CRACR2A: variants seen among roughly 807,000 people sequenced by gnomAD.
CRACR2A encodes calcium release activated channel regulator 2A.
CRACR2A carries 79 observed loss-of-function variants against 90.5 expected under a neutral mutation model. That is an observed-to-expected ratio of 0.87 (90% CI 0.73 to 1.05). The LOEUF (loss-of-function observed/expected upper bound fraction) is 1.05. Ranked by LOEUF, CRACR2A falls within the 50% of genes least tolerant of loss-of-function variation. CRACR2A has a pLI of 0.00. For missense variants in CRACR2A, 823 were observed against 897.2 expected (o/e 0.92, Z 1.06); for synonymous variants, 338 against 356.7 (o/e 0.95, Z 0.59).
chr12:3,741,712 C>A (rs1410379674), intron 1 of CRACR2A, among the ~76,000 whole-genome samples: 2 of 152,166 alleles, frequency 1.3e-5, no homozygotes, highest in Non-Finnish European at 2.9e-5. Flanking sequence ...CCTGTCTGCC[C>A]GCTTCCAGCT....
chr12:3,615,354 A>C lies in CRACR2A; in HGVS notation c.*1T>G. 6.4e-7 allele frequency: 1 copy of C among 1,551,544 alleles called. No homozygotes were observed. The highest frequency in any genetic ancestry group is 8.7e-7 in the Non-Finnish European group (1 of 1,146,866). On this transcript the variant is annotated 3_prime_UTR_variant, in exon 20 of 20. Coordinates refer to ENST00000440314, the MANE Select transcript of CRACR2A (RefSeq NM_001144958.2). ...CTGGGGGCAGTCCTTGTAGGACCCT[A>C]TCAGCCACAGCAGGATTTCTTCTTA... is the stretch of plus-strand genomic sequence containing the variant.
At chr12:3,694,020 A>G (rs1945696567) in intron 4 of CRACR2A, among the ~76,000 whole-genome samples, 1 of 152,108 alleles carries the variant, frequency 6.6e-6, no homozygotes, top group African/African-American at 2.4e-5. Flanking sequence ...AGTTCAACTC[A>G]GCCATTCCCC....
At chr12:3,651,498 A>C (rs1171198632) in intron 10 of CRACR2A, among the ~76,000 whole-genome samples, 9 of 152,234 alleles carry the variant, frequency 5.9e-5, no homozygotes, top group Non-Finnish European at 1.3e-4. Context: ...GTTAATTAAA[A>C]AACAGAGTTG....
chr12:3,720,511 C>G (rs552128135), intron 2 of CRACR2A, among the ~76,000 whole-genome samples: 1 of 152,064 alleles, frequency 6.6e-6, no homozygotes, highest in South Asian at 2.1e-4. Flanking sequence ...GTACTTAATA[C>G]ACCGCCAGGC....
intron 1 of CRACR2A, among the ~76,000 whole-genome samples, chr12:3,734,186 C>T (rs868850586): frequency 2.6e-5 from 4 of 151,772 alleles, no homozygotes; most frequent in Admixed American, 6.6e-5. Context: ...ACCATGTTAG[C>T]CAGGATGGTC....
intron 8 of CRACR2A, 95 bp from the exon 9 acceptor site, chr12:3,656,501 G>A (rs1263365361): frequency 1.5e-5 from 16 of 1,079,366 alleles, no homozygotes; most frequent in Non-Finnish European, 1.8e-5. Context: ...TCAACATCAG[G>A]GCCCATCCTA....
chr12:3,750,801 C>A (rs1946691561), intron 1 of CRACR2A, among the ~76,000 whole-genome samples: 1 of 152,146 alleles, frequency 6.6e-6, no homozygotes, highest in Non-Finnish European at 1.5e-5. Context: ...CCTCCCTCCC[C>A]ACAACAGGTT....
At chr12:3,653,205 A>T (rs1014660553) in intron 10 of CRACR2A, among the ~76,000 whole-genome samples, 7 of 150,790 alleles carry the variant, frequency 4.6e-5, no homozygotes, top group Non-Finnish European at 4.5e-5. Flanking sequence ...CTGGTCTTGA[A>T]CTCCTGACCT....
At chr12:3,646,632 G>A (rs996178019) in intron 11 of CRACR2A, among the ~76,000 whole-genome samples, 2 of 152,190 alleles carry the variant, frequency 1.3e-5, no homozygotes, top group African/African-American at 2.4e-5. Flanking sequence ...GGACATGGAG[G>A]TTATTTCACA....
chr12:3,633,746 G>T lies in CRACR2A; in HGVS notation c.1603-10C>A. On this transcript the variant is annotated splice_polypyrimidine_tract_variant and intron_variant, in intron 14 of 19. Coordinates refer to ENST00000440314, the MANE Select transcript of CRACR2A (RefSeq NM_001144958.2). This position sits in a 1 kb window ranked among gnomAD's most constrained non-coding sequence, Gnocchi z 4.5. ...AGGGAGAGCTTTCCTCCTGTGGATG[G>T]CACACAATCTGACCAACTGCAGGGA... 1.9e-6 allele frequency: 3 copies of T among 1,551,512 alleles called. No homozygotes were observed. Among genetic ancestry groups the T allele is most frequent in the Non-Finnish European group, 2.6e-6 (3 of 1,146,968 alleles).
intron 17 of CRACR2A, among the ~76,000 whole-genome samples, chr12:3,627,047 A>T (rs1289373066): frequency 6.6e-6 from 1 of 152,268 alleles, no homozygotes; most frequent in East Asian, 1.9e-4. Flanking sequence ...GACGCTGGTG[A>T]GAATGAGGGA....
intron 3 of CRACR2A, among the ~76,000 whole-genome samples, chr12:3,710,563 G>A (rs1021216292): frequency 6.6e-6 from 1 of 152,068 alleles, no homozygotes; most frequent in African/African-American, 2.4e-5. Context: ...GGGAGACCAA[G>A]GTGGGTGGAT....
chr12:3,640,971 C>G (rs1290437152), intron 13 of CRACR2A, among the ~76,000 whole-genome samples: 3 of 152,234 alleles, frequency 2.0e-5, no homozygotes, highest in Admixed American at 1.3e-4. Context: ...CTAGCCTTGT[C>G]TGTAAAAGGA....
rs139510263 is a variant in CRACR2A at position 3,722,288 on chromosome 12, T to C, written c.-117-8971A>G. Among the ~76,000 whole-genome samples, 25 of 152,346 alleles carry C rather than the reference T, an allele frequency of 1.6e-4. No individual in the cohort carries two copies. In the Middle Eastern group the frequency reaches 0.014, roughly 83 times the overall value. Reference sequence around the variant, plus strand: ...CCTGACATATTTTAGGGAGTTCATATGGAATATATACCAGGCACTATGCTG... The same window carrying C: ...CCTGACATATTTTAGGGAGTTCATACGGAATATATACCAGGCACTATGCTG... On this transcript the variant is annotated intron_variant, in intron 2 of 19. Coordinates refer to ENST00000440314, the MANE Select transcript of CRACR2A (RefSeq NM_001144958.2).
intron 14 of CRACR2A, among the ~76,000 whole-genome samples, chr12:3,634,607 C>T (rs79695921): frequency 2.6e-5 from 4 of 152,254 alleles, no homozygotes; most frequent in Admixed American, 6.5e-5. Flanking sequence ...GCCGCTCAAA[C>T]GCAGGCATCT....
intron 7 of CRACR2A, chr12:3,672,875 G>A (rs12826025): frequency 0.24 from 216,423 of 885,876 alleles, 27,823 homozygotes; most frequent in East Asian, 0.43. Flanking sequence ...ACATGAGGCC[G>A]TGACGGGAGA....
chr12:3,677,089 C>A (rs553637032), intron 6 of CRACR2A, among the ~76,000 whole-genome samples: 2 of 152,032 alleles, frequency 1.3e-5, no homozygotes, highest in Non-Finnish European at 2.9e-5. Context: ...TGCCCAGTCT[C>A]GAACTTCTAG....
At chr12:3,750,295 T>C (rs1005516668) in intron 1 of CRACR2A, among the ~76,000 whole-genome samples, 1 of 152,138 alleles carries the variant, frequency 6.6e-6, no homozygotes. Flanking sequence ...CCTCCATGTG[T>C]GTCAGTGCAG....
At chr12:3,629,089 C>T (rs1278449679) in intron 15 of CRACR2A, among the ~76,000 whole-genome samples, 1 of 152,194 alleles carries the variant, frequency 6.6e-6, no homozygotes, top group Non-Finnish European at 1.5e-5. Flanking sequence ...CCCTCTTCAC[C>T]TTCACAGAGT....
Sources: gnomAD v4.1 joint callset for allele counts (sites outside exome capture counted in the v4.1 genomes callset) on GRCh38, gnomAD v4.1.1 for gene constraint, Gnocchi (gnomAD v3.1) non-coding constraint, MANE v1.5 for transcripts, NCBI Gene and HGNC (gene_info 2026-07-23, HGNC 2026-07-21) for gene names.